Variants in CCBE1 observed in about 807,000 individuals in gnomAD.
The protein encoded by CCBE1 is collagen and calcium-binding EGF domain-containing protein 1.
CCBE1 carries 37 observed loss-of-function variants against 50.0 expected under a neutral mutation model. That is an observed-to-expected ratio of 0.74 (90% CI 0.57 to 0.97). CCBE1 has a LOEUF of 0.97. Ranked by LOEUF, CCBE1 falls within the 50% of genes least tolerant of loss-of-function variation. The pLI is 0.00. For missense variants in CCBE1, 538 were observed against 523.8 expected (o/e 1.03, Z -0.26); for synonymous variants, 234 against 203.7 (o/e 1.15, Z -1.27).
chr18:59,610,118 T>C (rs2053549899), intron 2 of CCBE1, among the ~76,000 whole-genome samples: 1 of 152,182 alleles, frequency 6.6e-6, no homozygotes, highest in Non-Finnish European at 1.5e-5. Context: ...TGCTTAAGTT[T>C]AAAAGTAGAG....
chr18:59,458,763 C>A (rs1911326130), intron 5 of CCBE1, among the ~76,000 whole-genome samples: 1 of 152,198 alleles, frequency 6.6e-6, no homozygotes, highest in South Asian at 2.1e-4. Context: ...CGGCCAGGCT[C>A]CAGGGCAGAA....
chr18:59,470,141 A>C (rs555715244), intron 3 of CCBE1, among the ~76,000 whole-genome samples: 42 of 152,312 alleles, frequency 2.8e-4, no homozygotes, highest in African/African-American at 9.9e-4. Flanking sequence ...GTAATTTATA[A>C]AGGAAAGAGG....
intron 2 of CCBE1, among the ~76,000 whole-genome samples, chr18:59,547,141 A>AGAGAGGGAGG (rs936582958): frequency 3.6e-5 from 5 of 140,084 alleles, no homozygotes; most frequent in African/African-American, 1.3e-4. Flanking sequence ...GAGAGGGGAG[A>AGAGAGGGAGG]GAGAGGGAGG....
intron 2 of CCBE1, among the ~76,000 whole-genome samples, chr18:59,486,647 T>C (rs374951242): frequency 1.2e-4 from 18 of 152,202 alleles, no homozygotes; most frequent in African/African-American, 4.3e-4. Flanking sequence ...CAGCCAGTCC[T>C]CCCTGCAGAA....
At chr18:59,668,945 C>T (rs1420444840) in intron 2 of CCBE1, among the ~76,000 whole-genome samples, 2 of 151,460 alleles carry the variant, frequency 1.3e-5, no homozygotes, top group Non-Finnish European at 2.9e-5. Flanking sequence ...CCACCTCAGC[C>T]TCCAGAGTAG....
chr18:59,598,025 A>G (rs1356384806), intron 2 of CCBE1, among the ~76,000 whole-genome samples: 1 of 152,220 alleles, frequency 6.6e-6, no homozygotes, highest in Non-Finnish European at 1.5e-5. Context: ...GAGACAGAAA[A>G]GAGAAAGTGT....
intron 2 of CCBE1, among the ~76,000 whole-genome samples, chr18:59,558,062 G>A (rs1379892265): frequency 1.3e-5 from 2 of 152,178 alleles, no homozygotes; most frequent in Non-Finnish European, 1.5e-5. Flanking sequence ...TTTCTATTTG[G>A]TGACTCACGT....
chr18:59,575,909 A>T (rs117924606), intron 2 of CCBE1, among the ~76,000 whole-genome samples: 149 of 152,346 alleles, frequency 9.8e-4, no homozygotes, highest in Non-Finnish European at 2.0e-3. Context: ...ATCACAATGT[A>T]GATACAGAAC....
chr18:59,693,248 A>AG (rs2054760296), intron 2 of CCBE1, among the ~76,000 whole-genome samples: 1 of 150,840 alleles, frequency 6.6e-6, no homozygotes, highest in South Asian at 2.1e-4. Flanking sequence ...GAGTCCACAC[A>AG]GGGGAGGTGA....
At chr18:59,572,576 A>T (rs1043219918) in intron 2 of CCBE1, among the ~76,000 whole-genome samples, 10 of 152,238 alleles carry the variant, frequency 6.6e-5, no homozygotes, top group African/African-American at 1.7e-4. Context: ...CATTGTTCAA[A>T]AAATCTGCTT....
At chr18:59,622,255 G>T (rs1250256538) in intron 2 of CCBE1, among the ~76,000 whole-genome samples, 1 of 152,198 alleles carries the variant, frequency 6.6e-6, no homozygotes, top group Admixed American at 6.5e-5. Flanking sequence ...CCTTTAGAAT[G>T]ATCTGTCCAA....
intron 2 of CCBE1, among the ~76,000 whole-genome samples, chr18:59,534,878 T>TA (rs1915188003): frequency 6.6e-6 from 1 of 152,178 alleles, no homozygotes; most frequent in Non-Finnish European, 1.5e-5. Flanking sequence ...GAGGGAAGGA[T>TA]AAAAGTAGTA....
At chr18:59,614,835 G>A (rs553183707) in intron 2 of CCBE1, among the ~76,000 whole-genome samples, 3 of 152,308 alleles carry the variant, frequency 2.0e-5, no homozygotes, top group South Asian at 4.1e-4. Context: ...ACCTACATAC[G>A]TCTGTTTATT....
At chr18:59,675,101 G>A (rs1005798636) in intron 2 of CCBE1, among the ~76,000 whole-genome samples, 2 of 152,142 alleles carry the variant, frequency 1.3e-5, no homozygotes, top group African/African-American at 4.8e-5. Context: ...CCAAAGTTAA[G>A]ATAAGTTGTA....
At chr18:59,473,029 C>T (rs1467033834) in intron 3 of CCBE1, among the ~76,000 whole-genome samples, 1 of 152,158 alleles carries the variant, frequency 6.6e-6, no homozygotes, top group East Asian at 1.9e-4. Flanking sequence ...GCCCTTGACA[C>T]GTGGGGATTA....
intron 2 of CCBE1, among the ~76,000 whole-genome samples, chr18:59,641,644 T>C (rs2053992458): frequency 6.6e-6 from 1 of 152,142 alleles, no homozygotes; most frequent in Non-Finnish European, 1.5e-5. Flanking sequence ...AAAATATTCC[T>C]GAAAAACAAA....
At chr18:59,533,820 C>T (rs1915140753) in intron 2 of CCBE1, among the ~76,000 whole-genome samples, 1 of 152,180 alleles carries the variant, frequency 6.6e-6, no homozygotes, top group South Asian at 2.1e-4. Context: ...AGGTGATCCA[C>T]ATATATCAAT....
intron 2 of CCBE1, among the ~76,000 whole-genome samples, chr18:59,574,342 A>C (rs1438751722): frequency 6.6e-6 from 1 of 152,242 alleles, no homozygotes; most frequent in African/African-American, 2.4e-5. Context: ...TGAAGATGTG[A>C]AATGTAAGCT....
At chr18:59,672,238 A>C (rs1178103154) in intron 2 of CCBE1, among the ~76,000 whole-genome samples, 2 of 152,174 alleles carry the variant, frequency 1.3e-5, no homozygotes, top group Admixed American at 1.3e-4. Flanking sequence ...TGGTGGGTGG[A>C]GACCACCAGT....
Sources: allele counts gnomAD v4.1 joint callset (sites outside exome capture counted in the v4.1 genomes callset), GRCh38; gene constraint gnomAD v4.1.1; transcripts MANE v1.5; gene names NCBI Gene and HGNC (gene_info 2026-07-23, HGNC 2026-07-21).